Variants in MEF2A observed in about 807,000 individuals in gnomAD.
The protein encoded by MEF2A is myocyte enhancer factor 2A, also known as myocyte-specific enhancer factor 2A.
In MEF2A, 28 loss-of-function variants were observed where a neutral mutation model predicts 55.8. The ratio of observed to expected loss-of-function variants is 0.50; its 90% CI spans 0.37 to 0.69. The LOEUF (loss-of-function observed/expected upper bound fraction) is 0.69. MEF2A is among the 30% of genes least tolerant of loss of function. The probability of loss-of-function intolerance (pLI) is 0.00; values close to 1 mark genes in which losing one functional copy is unlikely to be tolerated. For synonymous variants in MEF2A, 239 were observed against 227.1 expected, an observed-to-expected ratio of 1.05 and a Z score of -0.47; for missense variants, 528 against 626.2, an observed-to-expected ratio of 0.84 and a Z score of 1.67.
In MEF2A at chr15:99,642,116, C is replaced by G. The variant is rs551046601; in HGVS notation, c.55-3445C>G. ...TCTTTATACTTGAAGTCTGACTTGG[C>G]TAGGTCTAACGTTCTAGGTATAGGC... On this transcript the variant is annotated intron_variant, in intron 3 of 11. Coordinates refer to ENST00000557942, the MANE Select transcript of MEF2A (RefSeq NM_001319206.4). Among the ~76,000 whole-genome samples, 15 of 152,238 alleles carry G rather than the reference C, an allele frequency of 9.9e-5. 1 individual carries two copies. In the East Asian group the frequency reaches 2.5e-3, roughly 25 times the overall value.
chr15:99,584,552 CATGTT>C (rs1966820666), intron 1 of MEF2A, among the ~76,000 whole-genome samples: 2 of 152,028 alleles, frequency 1.3e-5, no homozygotes, highest in Admixed American at 6.6e-5. Context: ...ATCTTGAAAA[CATGTT>C]AAGTGAAAGA....
intron 8 of MEF2A, 102 bp from the exon 9 acceptor site, chr15:99,703,260 A>G (rs750386039): frequency 4.1e-5 from 44 of 1,079,262 alleles, no homozygotes; most frequent in Non-Finnish European, 6.1e-5. Context: ...AGAGTTCCAG[A>G]CAGCTGCTAG....
rs530931511 is a variant in MEF2A at position 99,702,050 on chromosome 15, T to G, written c.859-1312T>G. Among the ~76,000 whole-genome samples, 11 of 152,360 alleles carry G rather than the reference T, an allele frequency of 7.2e-5. No homozygotes were observed. In the East Asian group the frequency reaches 1.9e-3, roughly 27 times the overall value. On this transcript the variant is annotated intron_variant, in intron 8 of 11. Transcript: ENST00000557942. ...ACACGCTTATTCCTGTATATTAAAGTGAAAACCATATGTTTTACACATACA... is the reference window on the plus strand; with the variant it reads ...ACACGCTTATTCCTGTATATTAAAGGGAAAACCATATGTTTTACACATACA...
intron 2 of MEF2A, among the ~76,000 whole-genome samples, chr15:99,632,161 G>T (rs1394604467): frequency 6.6e-6 from 1 of 152,116 alleles, no homozygotes; most frequent in Non-Finnish European, 1.5e-5. Context: ...GATTTTTTAA[G>T]TCTTGAAGGA....
chr15:99,654,059 T>C (rs1234736142), intron 4 of MEF2A, among the ~76,000 whole-genome samples: 1 of 152,174 alleles, frequency 6.6e-6, no homozygotes, highest in Non-Finnish European at 1.5e-5. Context: ...TAATATTATA[T>C]AATTAAAATA....
chr15:99,701,304 TTCTA>T (rs1201650428), intron 8 of MEF2A, among the ~76,000 whole-genome samples: 1 of 152,188 alleles, frequency 6.6e-6, no homozygotes, highest in Admixed American at 6.5e-5. Flanking sequence ...ATCCATGCCC[TTCTA>T]TCTGATTATG....
intron 2 of MEF2A, among the ~76,000 whole-genome samples, chr15:99,632,233 A>G (rs1321998738): frequency 6.6e-6 from 1 of 152,200 alleles, no homozygotes; most frequent in African/African-American, 2.4e-5. Flanking sequence ...TACCAAGGGA[A>G]ATTGATTTTC....
intron 1 of MEF2A, among the ~76,000 whole-genome samples, chr15:99,577,924 A>G (rs1964801276): frequency 6.6e-6 from 1 of 152,194 alleles, no homozygotes; most frequent in Non-Finnish European, 1.5e-5. Context: ...TAATGGTATC[A>G]TATCAGGAGG....
chr15:99,665,639 G>C (rs1473165263), intron 4 of MEF2A, among the ~76,000 whole-genome samples: 1 of 142,178 alleles, frequency 7.0e-6, no homozygotes, highest in Non-Finnish European at 1.5e-5. Flanking sequence ...TCATCAGAAT[G>C]AACAGGCAGC....
chr15:99,637,306 A>G (rs190090594), intron 3 of MEF2A, among the ~76,000 whole-genome samples: 9 of 152,292 alleles, frequency 5.9e-5, no homozygotes, highest in East Asian at 1.9e-4. Context: ...CTTGTAATCT[A>G]TGAACATGTT....
intron 10 of MEF2A, among the ~76,000 whole-genome samples, chr15:99,709,566 A>G (rs2153820667): frequency 6.6e-6 from 1 of 152,258 alleles, no homozygotes; most frequent in South Asian, 2.1e-4. Context: ...TGTCGCTTCA[A>G]CTCCGTTCCT....
intron 4 of MEF2A, among the ~76,000 whole-genome samples, chr15:99,667,522 C>T (rs1166434277): frequency 6.6e-6 from 1 of 152,010 alleles, no homozygotes; most frequent in East Asian, 1.9e-4. Context: ...CGCGCCCGGC[C>T]GTAACATAGT....
chr15:99,616,129 A>G (rs1426759313), intron 2 of MEF2A, among the ~76,000 whole-genome samples: 2 of 152,216 alleles, frequency 1.3e-5, no homozygotes, highest in Non-Finnish European at 2.9e-5. Flanking sequence ...TTAAAATTAT[A>G]GATTGAATTT....
intron 2 of MEF2A, among the ~76,000 whole-genome samples, chr15:99,603,543 T>TTGTGTGTGTG (rs1300288383): frequency 0.14 from 18,258 of 126,306 alleles, 1,485 homozygotes; most frequent in Middle Eastern, 0.21. Context: ...CTGGCTGATT[T>TTGTGTGTGTG]TGTGTGTGTG....
chr15:99,656,166 T>C (rs2047672737), intron 4 of MEF2A, among the ~76,000 whole-genome samples: 1 of 152,116 alleles, frequency 6.6e-6, no homozygotes, highest in Non-Finnish European at 1.5e-5. Flanking sequence ...ATATAAAATA[T>C]GTTTAAGTTG....
At chr15:99,605,407 A>T (rs971254893) in intron 2 of MEF2A, among the ~76,000 whole-genome samples, 3 of 152,212 alleles carry the variant, frequency 2.0e-5, no homozygotes, top group Non-Finnish European at 4.4e-5. Flanking sequence ...CTGGCAATTT[A>T]GGATGTGGTT....
chr15:99,616,621 C>T (rs368635708), intron 2 of MEF2A, among the ~76,000 whole-genome samples: 4 of 152,018 alleles, frequency 2.6e-5, no homozygotes, highest in African/African-American at 7.2e-5. Context: ...TTTTGGAATA[C>T]TCTGTTTTCA....
At chr15:99,581,568 C>A (rs1223503329) in intron 1 of MEF2A, among the ~76,000 whole-genome samples, 1 of 152,134 alleles carries the variant, frequency 6.6e-6, no homozygotes, top group Non-Finnish European at 1.5e-5. Context: ...CATCCCCATA[C>A]AATGGCCTAG....
chr15:99,634,408 T>A (rs1426626609), intron 3 of MEF2A, among the ~76,000 whole-genome samples: 1 of 152,186 alleles, frequency 6.6e-6, no homozygotes, highest in Non-Finnish European at 1.5e-5. Context: ...AAAGGAATCA[T>A]TCCAAGCAAG....
Sources: gnomAD v4.1 joint callset for allele counts (sites outside exome capture counted in the v4.1 genomes callset) on GRCh38, gnomAD v4.1.1 for gene constraint, MANE v1.5 for transcripts, NCBI Gene and HGNC (gene_info 2026-07-23, HGNC 2026-07-21) for gene names.